Variants in THRB observed in about 807,000 individuals in gnomAD.
THRB encodes the protein thyroid hormone receptor beta, also known as nuclear receptor subfamily 1 group A member 2.
THRB carries 12 observed loss-of-function variants against 47.8 expected under a neutral mutation model. That is an observed-to-expected ratio of 0.25 (90% confidence interval 0.16 to 0.41). THRB has a LOEUF of 0.41. Ranked by LOEUF, THRB falls within the 10% of genes least tolerant of loss-of-function variation. The pLI is 1.00. For synonymous variants in THRB, 218 were observed against 212.2 expected (o/e 1.03, Z -0.24); for missense variants, 348 against 589.2 (o/e 0.59, Z 4.24).
intron 4 of THRB, among the ~76,000 whole-genome samples, chr3:24,206,928 C>A (rs1282649024): frequency 1.3e-5 from 2 of 152,134 alleles, no homozygotes; most frequent in African/African-American, 2.4e-5. Flanking sequence ...GACACATACA[C>A]CCTCCCAAGA....
At chr3:24,382,193 A>T (rs1280713260) in intron 1 of THRB, among the ~76,000 whole-genome samples, 1 of 152,146 alleles carries the variant, frequency 6.6e-6, no homozygotes, top group Non-Finnish European at 1.5e-5. Context: ...ACCTTCAGAT[A>T]CAAAATTAAG....
chr3:24,473,373 T>C (rs149719259), intron 1 of THRB, among the ~76,000 whole-genome samples: 48 of 152,328 alleles, frequency 3.2e-4, no homozygotes, highest in Non-Finnish European at 5.7e-4. Context: ...ATATGCTTGT[T>C]GGCCACATAA....
intron 1 of THRB, among the ~76,000 whole-genome samples, chr3:24,476,948 T>C (rs1695548422): frequency 6.6e-6 from 1 of 152,128 alleles, no homozygotes; most frequent in Admixed American, 6.5e-5. Context: ...ATGCTTGCAT[T>C]TGAACACTGG....
At chr3:24,427,351 G>C (rs1183783436) in intron 1 of THRB, among the ~76,000 whole-genome samples, 1 of 151,924 alleles carries the variant, frequency 6.6e-6, no homozygotes, top group Non-Finnish European at 1.5e-5. Context: ...CTTTTTAACT[G>C]AATTAAGCTT....
intron 4 of THRB, among the ~76,000 whole-genome samples, chr3:24,196,620 G>A (rs1399000013): frequency 6.6e-6 from 1 of 151,908 alleles, no homozygotes; most frequent in Non-Finnish European, 1.5e-5. Flanking sequence ...TTTCATAAAT[G>A]ACTCCATACC....
chr3:24,236,022 C>T (rs1417856506), intron 3 of THRB, among the ~76,000 whole-genome samples: 5 of 152,170 alleles, frequency 3.3e-5, no homozygotes, highest in African/African-American at 4.8e-5. Context: ...TCTGGAAGCA[C>T]AGCTGAATAA....
intron 1 of THRB, chr3:24,494,090 C>T (rs909284153): frequency 6.5e-6 from 1 of 152,672 alleles, no homozygotes; most frequent in African/African-American, 2.4e-5. Flanking sequence ...GAAGCCCAGT[C>T]GCCAGGCACC....
intron 1 of THRB, among the ~76,000 whole-genome samples, chr3:24,463,920 C>T (rs1179964462): frequency 1.3e-5 from 2 of 152,136 alleles, no homozygotes; most frequent in African/African-American, 2.4e-5. Flanking sequence ...TAAGAGTTAT[C>T]GACACTTTGA....
intron 5 of THRB, among the ~76,000 whole-genome samples, chr3:24,153,832 T>A (rs1267423624): frequency 6.6e-6 from 1 of 152,216 alleles, no homozygotes; most frequent in Non-Finnish European, 1.5e-5. Context: ...CCTTTCTCCC[T>A]ATCATGGTCC....
chr3:24,331,279 AG>A (rs2061910987), intron 2 of THRB, among the ~76,000 whole-genome samples: 1 of 152,218 alleles, frequency 6.6e-6, no homozygotes, highest in Non-Finnish European at 1.5e-5. Context: ...AAAGACAAAA[AG>A]AAAGAAAAAA....
chr3:24,420,984 G>A (rs1226715684), intron 1 of THRB, among the ~76,000 whole-genome samples: 2 of 151,946 alleles, frequency 1.3e-5, no homozygotes, highest in South Asian at 2.1e-4. Context: ...AAAAGAAAAC[G>A]TGGTACATAT....
intron 1 of THRB, among the ~76,000 whole-genome samples, chr3:24,468,893 A>G (rs2074348546): frequency 6.6e-6 from 1 of 152,182 alleles, no homozygotes. Context: ...AGTTGCCACA[A>G]ACTTTCAGTT....
intron 4 of THRB, among the ~76,000 whole-genome samples, chr3:24,222,522 G>C (rs2047256582): frequency 6.6e-6 from 1 of 152,128 alleles, no homozygotes; most frequent in Non-Finnish European, 1.5e-5. Context: ...TCTGGGGAGA[G>C]AGGGAGAAGA....
chr3:24,481,890 C>T (rs1388962518), intron 1 of THRB, among the ~76,000 whole-genome samples: 1 of 151,072 alleles, frequency 6.6e-6, no homozygotes, highest in Admixed American at 6.6e-5. Context: ...GGCTGGAATC[C>T]TGAGCAGGTA....
chr3:24,344,859 A>G (rs1390893299), intron 1 of THRB, among the ~76,000 whole-genome samples: 1 of 152,084 alleles, frequency 6.6e-6, no homozygotes, highest in East Asian at 1.9e-4. Context: ...TTCATTACCC[A>G]CTAATATAGC....
intron 1 of THRB, among the ~76,000 whole-genome samples, chr3:24,374,905 C>T (rs1319332745): frequency 2.6e-5 from 4 of 152,082 alleles, no homozygotes; most frequent in Non-Finnish European, 5.9e-5. Context: ...CTATTACTCT[C>T]AAAGCTTAAA....
chr3:24,133,274 C>A (rs1214086011), intron 9 of THRB, 42 bp downstream of exon 9: 1 of 1,608,504 alleles, frequency 6.2e-7, no homozygotes, highest in Non-Finnish European at 8.5e-7. Flanking sequence ...ACTGATGAAA[C>A]TATAATTAAG....
rs902114610 is a variant in THRB, at chr3:24,405,038, T to C, written c.-260-67667A>G. Among the ~76,000 whole-genome samples the C allele has an allele frequency of 5.9e-5, 9 of 152,156 alleles. No individual in the cohort carries two copies. In the South Asian group the frequency reaches 6.2e-4, roughly 10 times the overall value. ...ACCAAATGTTTTATCATGATTTTAA[T>C]TTGCCTCTTTCACTGTGTGAGTTTG... On this transcript the variant is annotated intron_variant, in intron 1 of 10. Transcript: ENST00000646209.
Position 24,280,511 on chromosome 3 carries a change from A to T in THRB, c.-43+16715T>A, listed in dbSNP as rs2054451475. On this transcript the variant is annotated intron_variant, in intron 3 of 10. Transcript: ENST00000646209. Reference sequence around the variant, plus strand: ...AAAAAACAGAGCAGAAAAACTGGAAACTCTAAAAAGCAGAGCGCCTCTCCT... The same window carrying T: ...AAAAAACAGAGCAGAAAAACTGGAATCTCTAAAAAGCAGAGCGCCTCTCCT... 2.0e-5 allele frequency among the ~76,000 whole-genome samples: 3 copies of T among 152,272 alleles called. No individual in the cohort carries two copies. In the South Asian group the frequency reaches 6.2e-4, roughly 32 times the overall value.
Sources: allele counts gnomAD v4.1 joint callset (sites outside exome capture counted in the v4.1 genomes callset), GRCh38; gene constraint gnomAD v4.1.1; transcripts MANE v1.5; gene names NCBI Gene and HGNC (gene_info 2026-07-23, HGNC 2026-07-21).